Variants in LSAMP observed in about 807,000 individuals in gnomAD.
The protein encoded by LSAMP is limbic system associated membrane protein.
A neutral mutation model predicts 38.6 loss-of-function variants in LSAMP; 7 were observed. The observed-to-expected ratio is 0.18, with a 90% CI of 0.10 to 0.34. The LOEUF is 0.34. LSAMP is among the 10% of genes least tolerant of loss of function. LSAMP has a pLI of 1.00. For missense variants in LSAMP, 313 were observed against 420.0 expected, an observed-to-expected ratio of 0.75 and a Z score of 2.23; for synonymous variants, 154 against 166.8, an observed-to-expected ratio of 0.92 and a Z score of 0.59.
intron 1 of LSAMP, among the ~76,000 whole-genome samples, chr3:116,339,333 T>A (rs1212369373): frequency 6.6e-6 from 1 of 151,728 alleles, no homozygotes; most frequent in African/African-American, 2.4e-5. Flanking sequence ...CTGATAGATT[T>A]ATCGTGCTTT....
chr3:116,433,171 T>C (rs1260413050), intron 1 of LSAMP, among the ~76,000 whole-genome samples: 3 of 152,192 alleles, frequency 2.0e-5, no homozygotes, highest in African/African-American at 7.2e-5. Flanking sequence ...TCCCCAGTCA[T>C]TGTTTTCACA....
At chr3:116,164,773 T>TTTTCAAGTAGCATCTAGC (rs1279357951) in intron 1 of LSAMP, among the ~76,000 whole-genome samples, 1 of 143,810 alleles carries the variant, frequency 7.0e-6, no homozygotes, top group Non-Finnish European at 1.5e-5. Context: ...TTTTTTTTTT[T>TTTTCAAGTAGCATCTAGC]TCAAGTAGCA....
intron 2 of LSAMP, among the ~76,000 whole-genome samples, chr3:116,076,259 T>G (rs1195334299): frequency 6.9e-6 from 1 of 144,004 alleles, no homozygotes; most frequent in Non-Finnish European, 1.5e-5. Flanking sequence ...AAATAATAAC[T>G]TTTTTTTTTT....
At chr3:115,917,761 G>C (rs1231729634) in intron 3 of LSAMP, among the ~76,000 whole-genome samples, 1 of 151,660 alleles carries the variant, frequency 6.6e-6, no homozygotes, top group African/African-American at 2.4e-5. Context: ...AATGGAATGG[G>C]ATTTTCTTCA....
At chr3:116,313,662 C>G (rs1040256559) in intron 1 of LSAMP, among the ~76,000 whole-genome samples, 1 of 152,134 alleles carries the variant, frequency 6.6e-6, no homozygotes, top group African/African-American at 2.4e-5. Flanking sequence ...TTATTGAAAA[C>G]TTAGAATGTG....
chr3:116,058,767 A>G lies in LSAMP; in HGVS notation c.388+27557T>C, dbSNP rs549422655. On this transcript the variant is annotated intron_variant, in intron 2 of 6. Transcript: ENST00000490035. ...AATTCAGAACACTTTAGGAATAGAA[A>G]AAGCACAAACCCTATTTATATCATT... Among the ~76,000 whole-genome samples the G allele has an allele frequency of 2.7e-4, 41 of 152,320 alleles. No individual in the cohort carries two copies. The South Asian group carries it at 3.7e-3, about 14-fold the overall frequency.
chr3:116,008,774 C>G (rs997234291), intron 3 of LSAMP, among the ~76,000 whole-genome samples: 1 of 151,550 alleles, frequency 6.6e-6, no homozygotes, highest in Admixed American at 6.6e-5. Context: ...TTGGTAGGAA[C>G]GTGGGGAAAG....
chr3:115,951,582 C>T (rs1294960551), intron 3 of LSAMP, among the ~76,000 whole-genome samples: 1 of 152,154 alleles, frequency 6.6e-6, no homozygotes, highest in East Asian at 1.9e-4. Flanking sequence ...AAGGCAGACC[C>T]ACCCTCAATC....
At chr3:116,188,120 C>A (rs890790901) in intron 1 of LSAMP, among the ~76,000 whole-genome samples, 2 of 152,252 alleles carry the variant, frequency 1.3e-5, no homozygotes, top group East Asian at 1.9e-4. Context: ...CATTGGTGCT[C>A]CTTACTGGTG....
chr3:116,065,740 C>T (rs1707413560), intron 2 of LSAMP, among the ~76,000 whole-genome samples: 1 of 152,156 alleles, frequency 6.6e-6, no homozygotes, highest in African/African-American at 2.4e-5. Flanking sequence ...TGTTTACTAC[C>T]TTTTGTTTAT....
chr3:115,845,661 G>A (rs1935136088), intron 4 of LSAMP, among the ~76,000 whole-genome samples: 1 of 152,188 alleles, frequency 6.6e-6, no homozygotes, highest in South Asian at 2.1e-4. Context: ...GGGTTGCCAT[G>A]CATGACTGGG....
intron 1 of LSAMP, among the ~76,000 whole-genome samples, chr3:116,381,875 T>C (rs1241112603): frequency 2.0e-5 from 3 of 152,100 alleles, no homozygotes; most frequent in Non-Finnish European, 4.4e-5. Context: ...GATCATACAA[T>C]ATGGACTTGA....
rs9848298 is a variant in LSAMP, at chr3:116,030,271, C to A, written c.389-10631G>T. 4.6e-3 allele frequency among the ~76,000 whole-genome samples: 704 copies of A among 152,086 alleles called. 2 individuals carry two copies. Among genetic ancestry groups the A allele is most frequent in the African/African-American group, 0.016 (673 of 41,514 alleles). Reference sequence around the variant, plus strand: ...ACACCAGCAAGTGCATTCAGCTAAGCGTGTCCATTATTGCTGCTTCAGCAA... The same window carrying A: ...ACACCAGCAAGTGCATTCAGCTAAGAGTGTCCATTATTGCTGCTTCAGCAA... On this transcript the variant is annotated intron_variant, in intron 2 of 6. Coordinates refer to ENST00000490035, the MANE Select transcript of LSAMP (RefSeq NM_002338.5).
intron 3 of LSAMP, among the ~76,000 whole-genome samples, chr3:115,861,779 A>T (rs1048162634): frequency 8.5e-5 from 13 of 152,176 alleles, no homozygotes; most frequent in Non-Finnish European, 1.9e-4. Flanking sequence ...TGTGGAGTAT[A>T]TTCTATAGGT....
intron 2 of LSAMP, among the ~76,000 whole-genome samples, chr3:116,040,968 GGCTA>G (rs1440159554): frequency 6.6e-6 from 1 of 152,136 alleles, no homozygotes; most frequent in African/African-American, 2.4e-5. Flanking sequence ...CTGTCACCTA[GGCTA>G]GAGTGCTGTG....
Position 116,164,059 on chromosome 3 carries a change from T to C in LSAMP, c.156-77503A>G, listed in dbSNP as rs1262231384. Among the ~76,000 whole-genome samples, 3 of 152,162 alleles carry C rather than the reference T, an allele frequency of 2.0e-5. No individual in the cohort carries two copies. The East Asian group carries it at 5.8e-4, about 29-fold the overall frequency. ...TGACTTTCGTTTTGTATTTTAACATTATACCTACTAAATTATCAGCTTGAG... is the reference window on the plus strand; with the variant it reads ...TGACTTTCGTTTTGTATTTTAACATCATACCTACTAAATTATCAGCTTGAG... On this transcript the variant is annotated intron_variant, in intron 1 of 6. Coordinates refer to ENST00000490035, the MANE Select transcript of LSAMP (RefSeq NM_002338.5).
chr3:115,927,311 G>A (rs989983831), intron 3 of LSAMP, among the ~76,000 whole-genome samples: 1 of 152,162 alleles, frequency 6.6e-6, no homozygotes, highest in Non-Finnish European at 1.5e-5. Flanking sequence ...GAGTGAAACA[G>A]CCTGCTGAGA....
intron 1 of LSAMP, among the ~76,000 whole-genome samples, chr3:116,173,972 A>G (rs12634908): frequency 0.5 from 75,848 of 151,630 alleles, 21,450 homozygotes; most frequent in East Asian, 0.74. Flanking sequence ...TCACATTCCT[A>G]TACTTTTCAA....
chr3:116,054,275 C>T (rs1255001437), intron 2 of LSAMP, among the ~76,000 whole-genome samples: 1 of 152,162 alleles, frequency 6.6e-6, no homozygotes, highest in Non-Finnish European at 1.5e-5. Flanking sequence ...CTTGTGATTA[C>T]ACTGGGCCAA....
Sources: allele counts gnomAD v4.1 joint callset (sites outside exome capture counted in the v4.1 genomes callset), GRCh38; gene constraint gnomAD v4.1.1; transcripts MANE v1.5; gene names NCBI Gene and HGNC (gene_info 2026-07-23, HGNC 2026-07-21).